Variants in ENTPD3 observed in about 807,000 individuals in gnomAD.
ENTPD3 encodes the protein CD39 antigen-like 3.
ENTPD3 carries 60 observed loss-of-function variants against 51.2 expected under a neutral mutation model. The ratio of observed to expected loss-of-function variants is 1.17; its 90% CI spans 0.95 to 1.45. The LOEUF is 1.45. ENTPD3 is among the 40% of genes most tolerant of loss of function. The pLI, the probability that ENTPD3 is intolerant of heterozygous loss-of-function variation, is 0.00. For synonymous variants in ENTPD3, 221 were observed against 238.4 expected (o/e 0.93, Z 0.67); for missense variants, 593 against 641.1 (o/e 0.93, Z 0.81).
intron 4 of ENTPD3, among the ~76,000 whole-genome samples, chr3:40,403,131 G>A (rs1420561369): frequency 6.6e-6 from 1 of 152,104 alleles, no homozygotes; most frequent in African/African-American, 2.4e-5. Flanking sequence ...TGAAAAACTT[G>A]GAAAGCAGAG....
At chr3:40,392,885 A>C (rs566589538) in intron 3 of ENTPD3, among the ~76,000 whole-genome samples, 1 of 152,204 alleles carries the variant, frequency 6.6e-6, no homozygotes, top group East Asian at 1.9e-4. Flanking sequence ...ACAAAAAATC[A>C]AGAACTTGAG....
intron 7 of ENTPD3, among the ~76,000 whole-genome samples, chr3:40,421,105 C>T (rs1575232415): frequency 1.3e-5 from 2 of 150,456 alleles, no homozygotes; most frequent in East Asian, 2.0e-4. Flanking sequence ...TTTGCTGCAA[C>T]CTCCGCCTCC....
intron 6 of ENTPD3, 146 bp downstream of exon 6, chr3:40,414,986 C>A: frequency 1.2e-6 from 1 of 816,226 alleles, no homozygotes; most frequent in Non-Finnish European, 2.0e-6. Flanking sequence ...ACCTATGAGA[C>A]AATAGCTAAG....
chr3:40,423,430 T>G (rs761105400), intron 9 of ENTPD3, 29 bp downstream of exon 9: 1 of 1,444,052 alleles, frequency 6.9e-7, no homozygotes, highest in South Asian at 1.2e-5. Context: ...GGGATCAATG[T>G]CAGTACAAAA....
At chr3:40,404,007 C>T (rs1365088743) in intron 4 of ENTPD3, among the ~76,000 whole-genome samples, 1 of 152,164 alleles carries the variant, frequency 6.6e-6, no homozygotes, top group Non-Finnish European at 1.5e-5. Context: ...TGTAGCCTTG[C>T]TCTGACCTCA....
Position 40,422,962 on chromosome 3 carries a change from A to G in ENTPD3, c.944A>G (p.Glu315Gly), listed in dbSNP as rs774387047. ...DSLCTVDQRP[E>G]SYNPNDVITF... ...CTGTGCACTGTGGACCAGAGGCCAG[A>G]AAGTTATAACCCCAATGATGTCATC... Residue 315 changes from glutamate (E) to glycine (G), a missense_variant, in exon 8 of 11, where the codon GAA becomes GGA. Physicochemically the swap from Glu to Gly is moderately conservative, Grantham distance 98. Transcript: ENST00000301825. 27 of 1,614,124 alleles carry G rather than the reference A, an allele frequency of 1.7e-5. No individual in the cohort carries two copies. Among genetic ancestry groups the G allele is most frequent in the Admixed American group, 5.0e-5 (3 of 60,012 alleles).
intron 2 of ENTPD3, among the ~76,000 whole-genome samples, chr3:40,388,762 T>G (rs1478106669): frequency 6.6e-6 from 1 of 152,206 alleles, no homozygotes. Flanking sequence ...ACAGCACAGC[T>G]CTAGGCTGCA....
Position 40,405,917 on chromosome 3 carries a change from T to C in ENTPD3, c.286+4906T>C, listed in dbSNP as rs553133088. Reference sequence around the variant, plus strand: ...AAGTCTCATTGATTGATTGATTTAATAAATATGTATTAGGTGCCTGCTGTT... The same window carrying C: ...AAGTCTCATTGATTGATTGATTTAACAAATATGTATTAGGTGCCTGCTGTT... On this transcript the variant is annotated intron_variant, in intron 4 of 10. Coordinates refer to ENST00000301825, the MANE Select transcript of ENTPD3 (RefSeq NM_001248.4). Among the ~76,000 whole-genome samples, 321 of 152,188 alleles carry C rather than the reference T, an allele frequency of 2.1e-3. 3 individuals carry two copies. Among genetic ancestry groups the C allele is most frequent in the Non-Finnish European group, 2.1e-3 (142 of 68,036 alleles).
chr3:40,427,071 T>C (rs949990006), intron 10 of ENTPD3, among the ~76,000 whole-genome samples: 10 of 152,198 alleles, frequency 6.6e-5, no homozygotes, highest in Non-Finnish European at 1.3e-4. Context: ...CTTTTGACTA[T>C]TTCTTCTGCA....
chr3:40,419,034 C>T (rs1955805431), intron 7 of ENTPD3, among the ~76,000 whole-genome samples: 1 of 152,156 alleles, frequency 6.6e-6, no homozygotes, highest in African/African-American at 2.4e-5. Context: ...AATGCCATCA[C>T]TGGTCAAAGC....
chr3:40,402,293 A>G (rs377121265), intron 4 of ENTPD3, among the ~76,000 whole-genome samples: 1 of 151,056 alleles, frequency 6.6e-6, no homozygotes, highest in Non-Finnish European at 1.5e-5. Context: ...TAATTTTTGT[A>G]TTTTTAGTAT....
intron 3 of ENTPD3, chr3:40,394,334 C>T: frequency 3.0e-6 from 1 of 332,710 alleles, no homozygotes; most frequent in Non-Finnish European, 6.1e-6. Context: ...GTTGACCAGG[C>T]TAGTCTTGAA....
intron 3 of ENTPD3, among the ~76,000 whole-genome samples, chr3:40,397,016 C>T (rs1420238964): frequency 6.6e-6 from 1 of 152,002 alleles, no homozygotes; most frequent in East Asian, 1.9e-4. Context: ...TGAAATCATT[C>T]CCTTTTAACC....
chr3:40,415,310 G>T (rs1046977791), intron 6 of ENTPD3, among the ~76,000 whole-genome samples: 5 of 152,140 alleles, frequency 3.3e-5, no homozygotes, highest in African/African-American at 1.2e-4. Flanking sequence ...TGGTGCAGAG[G>T]AAAGTTGACT....
At chr3:40,423,253 T>C in intron 8 of ENTPD3, 38 bp from the exon 9 acceptor site, 19 of 1,582,836 alleles carry the variant, frequency 1.2e-5, no homozygotes, top group Non-Finnish European at 1.6e-5. Context: ...TATACCCCAT[T>C]CTGAGAACTA....
At chr3:40,422,127 G>A (rs1054021727) in intron 7 of ENTPD3, among the ~76,000 whole-genome samples, 1 of 122,266 alleles carries the variant, frequency 8.2e-6, no homozygotes, top group African/African-American at 3.2e-5. Flanking sequence ...CTGGTACGAG[G>A]TAATTGTCAC....
chr3:40,423,779 A>C, intron 9 of ENTPD3, 47 bp from the exon 10 acceptor site: 1 of 1,601,298 alleles, frequency 6.2e-7, no homozygotes, highest in East Asian at 2.2e-5. Flanking sequence ...TGTTCATTTT[A>C]AAACATACCT....
At chr3:40,418,943 C>T (rs969024439) in intron 7 of ENTPD3, among the ~76,000 whole-genome samples, 2 of 152,086 alleles carry the variant, frequency 1.3e-5, no homozygotes, top group African/African-American at 2.4e-5. Context: ...AAAGAAAGTA[C>T]ATTCTTATTG....
rs118130761 is a variant in ENTPD3, at chr3:40,398,082, C to T, written c.169-2812C>T. 5.6e-4 allele frequency among the ~76,000 whole-genome samples: 86 copies of T among 152,236 alleles called. 3 individuals carry two copies. The East Asian group carries it at 0.01, about 18-fold the overall frequency. On this transcript the variant is annotated intron_variant, in intron 3 of 10. Coordinates refer to ENST00000301825, the MANE Select transcript of ENTPD3 (RefSeq NM_001248.4). ...CAGTGAATGATGGTAGGGCTAGATC[C>T]GTGTGAGTCGGTAGAGGTGGGCCTA...
Sources: gnomAD v4.1 joint callset for allele counts (sites outside exome capture counted in the v4.1 genomes callset) on GRCh38, gnomAD v4.1.1 for gene constraint, MANE v1.5 for transcripts, NCBI Gene and HGNC (gene_info 2026-07-23, HGNC 2026-07-21) for gene names.